GNG7: variants seen among roughly 807,000 people sequenced by gnomAD.
GNG7 encodes the protein guanine nucleotide-binding protein G(I)/G(S)/G(O) subunit gamma-7.
GNG7 carries 1 observed loss-of-function variant against 4.0 expected under a neutral mutation model. That is an observed-to-expected ratio of 0.25 (90% CI 0.09 to 1.18). The LOEUF is 1.18. Ranked by LOEUF, GNG7 falls within the 50% of genes most tolerant of loss-of-function variation. GNG7 has a pLI of 0.50. For missense variants in GNG7, 86 were observed against 91.9 expected, an observed-to-expected ratio of 0.94 and a Z score of 0.26; for synonymous variants, 34 against 36.9, an observed-to-expected ratio of 0.92 and a Z score of 0.29.
Position 2,513,497 on chromosome 19 carries a change from A to G in GNG7, c.*1525T>C. The G allele has an allele frequency of 4.1e-6, 4 of 985,308 alleles. No individual in the cohort carries two copies. Among genetic ancestry groups the G allele is most frequent in the Non-Finnish European group, 4.8e-6 (4 of 829,850 alleles). 61.0% of individuals were successfully genotyped at this position (985,308 alleles called of 1,614,324 possible). On this transcript the variant is annotated 3_prime_UTR_variant, in exon 5 of 5. Transcript: ENST00000382159. The stretch of plus-strand genomic sequence containing the variant: ...CCGTCCGTGCCGCAGAGGAGGACGC[A>G]GTCATCTTTCAGAAGCCTCCCCCCG...
intron 1 of GNG7, among the ~76,000 whole-genome samples, chr19:2,661,800 G>A (rs1001460764): frequency 6.6e-6 from 1 of 152,100 alleles, no homozygotes; most frequent in African/African-American, 2.4e-5. Flanking sequence ...AGCCACATGA[G>A]GGCGCCCTCT....
intron 3 of GNG7, among the ~76,000 whole-genome samples, chr19:2,551,481 C>T (rs1377518609): frequency 8.4e-6 from 1 of 119,410 alleles, no homozygotes; most frequent in Non-Finnish European, 1.7e-5. Context: ...AAAAGCCCTG[C>T]CGTGCTGGTA....
intron 3 of GNG7, among the ~76,000 whole-genome samples, chr19:2,527,811 G>C (rs1193559079): frequency 6.7e-6 from 1 of 149,072 alleles, no homozygotes; most frequent in African/African-American, 2.5e-5. Context: ...GTCATGACCA[G>C]CACAAATGTC....
At chr19:2,682,350 G>C (rs969170970) in intron 1 of GNG7, among the ~76,000 whole-genome samples, 1 of 152,094 alleles carries the variant, frequency 6.6e-6, no homozygotes, top group African/African-American at 2.4e-5. Context: ...GCAAAATGCA[G>C]ACAGAGCCAT....
Position 2,513,033 on chromosome 19 carries a change from G to A in GNG7, c.*1989C>T, listed in dbSNP as rs1014140279. The A allele has an allele frequency of 2.5e-4, 249 of 985,314 alleles. No homozygotes were observed. Among genetic ancestry groups the A allele is most frequent in the Non-Finnish European group, 2.9e-4 (242 of 829,948 alleles). 61.0% of individuals were successfully genotyped at this position (985,314 alleles called of 1,614,324 possible). A position where few individuals can be genotyped will look rare whatever the true frequency, so the allele number is the denominator to read the frequency against. On this transcript the variant is annotated 3_prime_UTR_variant, in exon 5 of 5. Coordinates refer to ENST00000382159, the MANE Select transcript of GNG7 (RefSeq NM_052847.3). ...GGCTCCCCGAAGCCCCAGCCCTCCCGGACCTGCCGTAGAGAGCTGGGTGCC... is the reference window on the plus strand; with the variant it reads ...GGCTCCCCGAAGCCCCAGCCCTCCCAGACCTGCCGTAGAGAGCTGGGTGCC...
In GNG7 at chr19:2,637,947, C is replaced by A. The variant is rs376804663; in HGVS notation, c.-78+8277G>T. ...GAGGCTGCACACATTGAAATCCACA[C>A]CCTGAGTTGGGAGGGAGAGAGGAGA... On this transcript the variant is annotated intron_variant, in intron 2 of 4. Coordinates refer to ENST00000382159, the MANE Select transcript of GNG7 (RefSeq NM_052847.3). 3.3e-5 allele frequency among the ~76,000 whole-genome samples: 5 copies of A among 152,232 alleles called. No individual in the cohort carries two copies. In the South Asian group the frequency reaches 6.2e-4, roughly 19 times the overall value.
intron 3 of GNG7, among the ~76,000 whole-genome samples, chr19:2,540,884 C>G (rs1415204396): frequency 1.3e-5 from 2 of 152,200 alleles, no homozygotes; most frequent in African/African-American, 2.4e-5. Flanking sequence ...AAGCATAGTT[C>G]TCATAGTTGG....
At chr19:2,565,111 G>A (rs1392984193) in intron 2 of GNG7, among the ~76,000 whole-genome samples, 1 of 152,190 alleles carries the variant, frequency 6.6e-6, no homozygotes, top group African/African-American at 2.4e-5. Flanking sequence ...AGACCCTGAG[G>A]TGGAGAAGAT....
At chr19:2,595,062 G>A (rs1278925876) in intron 2 of GNG7, 3 of 151,940 alleles carry the variant, frequency 2.0e-5, no homozygotes, top group African/African-American at 7.2e-5. Context: ...CAAGGTTGCA[G>A]TGAACCATGA....
intron 2 of GNG7, among the ~76,000 whole-genome samples, chr19:2,620,309 C>A (rs1981835075): frequency 6.7e-6 from 1 of 150,108 alleles, no homozygotes; most frequent in African/African-American, 2.5e-5. Context: ...TCCCCCTGCA[C>A]CCTGGCTACA....
At chr19:2,537,243 C>T (rs921209145) in intron 3 of GNG7, among the ~76,000 whole-genome samples, 1 of 151,696 alleles carries the variant, frequency 6.6e-6, no homozygotes, top group Non-Finnish European at 1.5e-5. Flanking sequence ...GCCACCGCGC[C>T]CGGCCACATA....
In GNG7 at chr19:2,546,728, G is replaced by A. The variant is rs1352660455; in HGVS notation, c.-38+8421C>T. ...CGACAGAGGGTGACGCGCCGCCAGT[G>A]TGGGTTTGGTCGCCGCGGTGACGGG... is the stretch of plus-strand genomic sequence containing the variant. On this transcript the variant is annotated intron_variant, in intron 3 of 4. Coordinates refer to ENST00000382159, the MANE Select transcript of GNG7 (RefSeq NM_052847.3). This position sits in a 1 kb window ranked among gnomAD's most constrained non-coding sequence, Gnocchi z 6.3. 6.6e-6 allele frequency among the ~76,000 whole-genome samples: 1 copy of A among 152,208 alleles called. No individual in the cohort carries two copies. Among genetic ancestry groups the A allele is most frequent in the Non-Finnish European group, 1.5e-5 (1 of 68,032 alleles).
In GNG7 at chr19:2,666,619, C is replaced by T. The variant is rs114238952; in HGVS notation, c.-134-20339G>A. On this transcript the variant is annotated intron_variant, in intron 1 of 4. Transcript: ENST00000382159. ...GAGCCACCTTGCCTGGCCAGATTAC[C>T]TCCTTTCTGGACTAGACCAGAGCAC... Among the ~76,000 whole-genome samples the T allele has an allele frequency of 9.2e-3, 1,399 of 152,294 alleles. 17 individuals are homozygous for T. Among genetic ancestry groups the T allele is most frequent in the African/African-American group, 0.032 (1,338 of 41,568 alleles).
At chr19:2,526,492 G>T (rs1978401087) in intron 3 of GNG7, among the ~76,000 whole-genome samples, 2 of 144,178 alleles carry the variant, frequency 1.4e-5, no homozygotes, top group African/African-American at 5.1e-5. Context: ...TTATATATTT[G>T]TTTACTCATA....
At chr19:2,661,264 AG>A (rs1568277633) in intron 1 of GNG7, among the ~76,000 whole-genome samples, 1 of 66,350 alleles carries the variant, frequency 1.5e-5, no homozygotes, top group African/African-American at 7.0e-5. Flanking sequence ...AAAGAAAGAA[AG>A]AAAGAAAAGA....
intron 2 of GNG7, among the ~76,000 whole-genome samples, chr19:2,638,808 A>G (rs777830912): frequency 2.1e-3 from 315 of 152,184 alleles, no homozygotes; most frequent in Non-Finnish European, 3.1e-3. Flanking sequence ...CCCCACTAGC[A>G]TAGTTAAATT....
chr19:2,529,883 C>T (rs1162250196), intron 3 of GNG7, among the ~76,000 whole-genome samples: 1 of 152,202 alleles, frequency 6.6e-6, no homozygotes, highest in Non-Finnish European at 1.5e-5. Context: ...GGCTCTGCTC[C>T]TGGTTTTTGG....
chr19:2,650,183 C>CTTTT lies in GNG7; in HGVS notation c.-134-3907_-134-3904dup, dbSNP rs529803793. 3.8e-3 allele frequency among the ~76,000 whole-genome samples: 481 copies of CTTTT among 125,968 alleles called. 17 individuals are homozygous for CTTTT. Among genetic ancestry groups the CTTTT allele is most frequent in the African/African-American group, 0.015 (454 of 31,306 alleles). 82.6% of individuals were successfully genotyped at this position (125,968 alleles called of 152,430 possible). A position where few individuals can be genotyped will look rare whatever the true frequency, so the allele number is the denominator to read the frequency against. ...CTGTGAATATTCGTGTCATAGGAATCTTTTTTTTTTTTTTTTTTGAGACAG... is the reference window on the plus strand; with the variant it reads ...CTGTGAATATTCGTGTCATAGGAATCTTTTTTTTTTTTTTTTTTTTTTGAGACAG... On this transcript the variant is annotated intron_variant, in intron 1 of 4. Transcript: ENST00000382159.
At chr19:2,561,974 C>T (rs1210275672) in intron 2 of GNG7, among the ~76,000 whole-genome samples, 3 of 152,252 alleles carry the variant, frequency 2.0e-5, no homozygotes, top group South Asian at 4.2e-4. Flanking sequence ...TGCCCCGGGG[C>T]GACCCGAGAA....
Sources: gnomAD v4.1 joint callset for allele counts (sites outside exome capture counted in the v4.1 genomes callset) on GRCh38, gnomAD v4.1.1 for gene constraint, Gnocchi (gnomAD v3.1) non-coding constraint, MANE v1.5 for transcripts, NCBI Gene and HGNC (gene_info 2026-07-23, HGNC 2026-07-21) for gene names.